MAGI2: variants seen among roughly 807,000 people sequenced by gnomAD.
MAGI2 encodes membrane-associated guanylate kinase, WW and PDZ domain-containing protein 2.
A neutral mutation model predicts 133.3 loss-of-function variants in MAGI2; 35 were observed. That is an observed-to-expected ratio of 0.26 (90% CI 0.20 to 0.35). The LOEUF (loss-of-function observed/expected upper bound fraction) is 0.35, where lower values mean the gene tolerates loss of function less well. Among genes scored for constraint, MAGI2 ranks in the 10% least tolerant of loss-of-function variants. The pLI is 1.00. For synonymous variants in MAGI2, 729 were observed against 710.6 expected, an observed-to-expected ratio of 1.03 and a Z score of -0.41; for missense variants, 1,636 against 1,863.4, an observed-to-expected ratio of 0.88 and a Z score of 2.25.
chr7:78,684,867 C>T (rs1034978127), intron 2 of MAGI2, among the ~76,000 whole-genome samples: 3 of 152,090 alleles, frequency 2.0e-5, no homozygotes, highest in Non-Finnish European at 4.4e-5. Flanking sequence ...AATTTCAGAA[C>T]GATGGCAAAT....
intron 1 of MAGI2, chr7:79,173,100 C>T (rs914255338): frequency 3.3e-5 from 5 of 151,804 alleles, no homozygotes; most frequent in Non-Finnish European, 7.4e-5. Flanking sequence ...TTATAAGCTT[C>T]AGTCATGAAT....
chr7:79,185,042 A>C (rs1043856299), intron 1 of MAGI2, among the ~76,000 whole-genome samples: 1 of 151,828 alleles, frequency 6.6e-6, no homozygotes, highest in African/African-American at 2.4e-5. Flanking sequence ...AGAAGAGCTC[A>C]ACACAGCTGG....
At chr7:78,361,611 T>C (rs1240042468) in intron 7 of MAGI2, among the ~76,000 whole-genome samples, 1 of 152,222 alleles carries the variant, frequency 6.6e-6, no homozygotes, top group Non-Finnish European at 1.5e-5. Flanking sequence ...ACATAACTGA[T>C]GTCAAGGTGA....
chr7:78,273,857 G>T (rs1002039390), intron 9 of MAGI2, among the ~76,000 whole-genome samples: 3 of 152,080 alleles, frequency 2.0e-5, no homozygotes, highest in East Asian at 1.9e-4. Flanking sequence ...AAGGTTGTTA[G>T]CTTCCTTGCA....
At chr7:79,399,499 T>C (rs1845317934) in intron 1 of MAGI2, among the ~76,000 whole-genome samples, 2 of 152,088 alleles carry the variant, frequency 1.3e-5, no homozygotes, top group African/African-American at 4.8e-5. Context: ...AGAGAGCATC[T>C]TGTGGCTAGG....
chr7:78,928,407 T>TA lies in MAGI2; in HGVS notation c.418+78682dup, dbSNP rs58577482. Among the ~76,000 whole-genome samples the TA allele has an allele frequency of 4.9e-3, 722 of 148,264 alleles. 7 individuals are homozygous for TA. The highest frequency in any genetic ancestry group is 0.016 in the African/African-American group (660 of 40,646). On this transcript the variant is annotated intron_variant, in intron 2 of 21. Coordinates refer to ENST00000354212, the MANE Select transcript of MAGI2 (RefSeq NM_012301.4). ...TAGTTTTATTCAGACACTAATTAAT[T>TA]AAAAAAAAAACCCTCAAGAACTGGA...
intron 3 of MAGI2, among the ~76,000 whole-genome samples, chr7:78,558,915 A>G (rs1184470476): frequency 1.3e-5 from 2 of 150,352 alleles, no homozygotes; most frequent in East Asian, 3.9e-4. Context: ...TTATTTAATA[A>G]TCGAGGTCAT....
At chr7:78,876,194 G>A (rs753440141) in intron 2 of MAGI2, among the ~76,000 whole-genome samples, 30 of 151,626 alleles carry the variant, frequency 2.0e-4, no homozygotes, top group Non-Finnish European at 3.1e-4. Flanking sequence ...GTGGTGGTGG[G>A]CACCTGTAAT....
intron 1 of MAGI2, among the ~76,000 whole-genome samples, chr7:79,440,311 T>C (rs1426356856): frequency 6.6e-6 from 1 of 152,118 alleles, no homozygotes; most frequent in East Asian, 1.9e-4. Flanking sequence ...TTGTAAAAAC[T>C]ACATAATTTT....
chr7:79,302,694 G>C (rs943242926), intron 1 of MAGI2, among the ~76,000 whole-genome samples: 5 of 152,322 alleles, frequency 3.3e-5, no homozygotes, highest in Admixed American at 2.6e-4. Context: ...AAATCAGTTA[G>C]AGATTTTGGA....
At chr7:78,035,528 T>C (rs1810116832) in intron 21 of MAGI2, among the ~76,000 whole-genome samples, 1 of 152,190 alleles carries the variant, frequency 6.6e-6, no homozygotes, top group Non-Finnish European at 1.5e-5. Context: ...AATCTCTCTA[T>C]ATAATCAGTC....
intron 2 of MAGI2, among the ~76,000 whole-genome samples, chr7:78,817,713 A>G (rs1789720832): frequency 6.7e-6 from 1 of 150,140 alleles, no homozygotes; most frequent in Non-Finnish European, 1.5e-5. Flanking sequence ...TATAGTGTAA[A>G]CTTTTTTTTT....
chr7:79,206,247 AAAAT>A (rs542145358), intron 1 of MAGI2, among the ~76,000 whole-genome samples: 1 of 151,836 alleles, frequency 6.6e-6, no homozygotes, highest in East Asian at 1.9e-4. Context: ...AGAAATAAAT[AAAAT>A]AGAGACTACG....
intron 3 of MAGI2, among the ~76,000 whole-genome samples, chr7:78,587,003 C>G (rs185064803): frequency 8.5e-5 from 13 of 152,076 alleles, no homozygotes; most frequent in Non-Finnish European, 1.5e-4. Context: ...TTGCTTCCAC[C>G]TTTTGGCTAT....
In MAGI2 at chr7:78,765,343, C is replaced by T. The variant is rs867225049; in HGVS notation, c.419-138104G>A. ...CATTTAACAAATGTTTAGTGCACAT[C>T]TTTTTTTTTTTTTTTTTTTTTTGAG... On this transcript the variant is annotated intron_variant, in intron 2 of 21. Transcript: ENST00000354212. Among the ~76,000 whole-genome samples, 44 of 89,062 alleles carry T rather than the reference C, an allele frequency of 4.9e-4. No homozygotes were observed. In the East Asian group the frequency reaches 6.1e-3, roughly 12 times the overall value. 58.4% of individuals were successfully genotyped at this position (89,062 alleles called of 152,430 possible).
chr7:78,641,684 C>A (rs1334812648), intron 2 of MAGI2, among the ~76,000 whole-genome samples: 1 of 152,022 alleles, frequency 6.6e-6, no homozygotes, highest in East Asian at 1.9e-4. Flanking sequence ...TGTAACATTT[C>A]ATGTGTCAAT....
At chr7:78,321,468 T>G (rs1787997520) in intron 9 of MAGI2, among the ~76,000 whole-genome samples, 1 of 151,992 alleles carries the variant, frequency 6.6e-6, no homozygotes, top group Non-Finnish European at 1.5e-5. Flanking sequence ...TAACACCACA[T>G]ATCTACAACC....
intron 1 of MAGI2, among the ~76,000 whole-genome samples, chr7:79,063,384 A>G (rs1053634464): frequency 6.6e-6 from 1 of 152,098 alleles, no homozygotes; most frequent in Non-Finnish European, 1.5e-5. Flanking sequence ...CAAAATATGT[A>G]TTTTTTATGT....
In MAGI2 at chr7:78,309,855, C is replaced by A. The variant is rs182149627; in HGVS notation, c.1408+33923G>T. Reference sequence around the variant, plus strand: ...ACCTTTCTTCTATAGATTAGGTTGACATTAATATTCTTTTCATTGAATTAT... The same window carrying A: ...ACCTTTCTTCTATAGATTAGGTTGAAATTAATATTCTTTTCATTGAATTAT... On this transcript the variant is annotated intron_variant, in intron 9 of 21. Transcript: ENST00000354212. Among the ~76,000 whole-genome samples the A allele has an allele frequency of 5.3e-5, 8 of 152,030 alleles. No individual in the cohort carries two copies. In the East Asian group the frequency reaches 1.2e-3, roughly 22 times the overall value.
Sources: gnomAD v4.1 joint callset for allele counts (sites outside exome capture counted in the v4.1 genomes callset) on GRCh38, gnomAD v4.1.1 for gene constraint, MANE v1.5 for transcripts, NCBI Gene and HGNC (gene_info 2026-07-23, HGNC 2026-07-21) for gene names.